The following KCNK9 variants were observed in gnomAD, a reference collection of about 807,000 sequenced individuals.
KCNK9 encodes potassium two pore domain channel subfamily K member 9.
KCNK9 carries 1 observed loss-of-function variant against 10.8 expected under a neutral mutation model. The observed-to-expected ratio is 0.09, with a 90% confidence interval of 0.03 to 0.44. The LOEUF (loss-of-function observed/expected upper bound fraction) is 0.44. Among genes scored for constraint, KCNK9 ranks in the 20% least tolerant of loss-of-function variants. The pLI is 0.97. For synonymous variants in KCNK9, 231 were observed against 222.7 expected, an observed-to-expected ratio of 1.04 and a Z score of -0.33; for missense variants, 303 against 515.0, an observed-to-expected ratio of 0.59 and a Z score of 3.98.
rs115607196 is a variant in KCNK9 at position 139,687,840 on chromosome 8, T to G, written c.283+14870A>C. 7.7e-3 allele frequency among the ~76,000 whole-genome samples: 1,169 copies of G among 151,678 alleles called. 12 individuals carry two copies. Among genetic ancestry groups the G allele is most frequent in the African/African-American group, 0.027 (1,119 of 41,392 alleles). On this transcript the variant is annotated intron_variant, in intron 1 of 1. Transcript: ENST00000520439. The stretch of plus-strand genomic sequence containing the variant: ...CACTTCTCCATGTGATTCAGGTTAT[T>G]TTAAAGAAAATCCCAGACATTTCAT...
At chr8:139,651,590 G>T (rs1815866313) in intron 1 of KCNK9, among the ~76,000 whole-genome samples, 1 of 152,186 alleles carries the variant, frequency 6.6e-6, no homozygotes, top group African/African-American at 2.4e-5. Context: ...AATGGGGTGG[G>T]GTGAGACTGG....
rs34791987 is a variant in KCNK9, at chr8:139,660,447, A to ATATATATAT, written c.284-41349_284-41348insATATATATA. 3.1e-3 allele frequency among the ~76,000 whole-genome samples: 404 copies of ATATATATAT among 128,866 alleles called. 3 individuals are homozygous for ATATATATAT. The highest frequency in any genetic ancestry group is 0.011 in the African/African-American group (319 of 29,388). The allele number at this position is 128,866 out of a possible 152,430, so 84.5% of individuals were successfully genotyped here. ...TCGTGAAACCCGTCTCTGCTAAAAAAAAATATATATATATATATATATATT... is the reference window on the plus strand; with the variant it reads ...TCGTGAAACCCGTCTCTGCTAAAAAATATATATATAAATATATATATATATATATATATT... On this transcript the variant is annotated intron_variant, in intron 1 of 1. Transcript: ENST00000520439.
intron 1 of KCNK9, among the ~76,000 whole-genome samples, chr8:139,648,010 C>G (rs527561680): frequency 1.3e-5 from 2 of 152,296 alleles, no homozygotes; most frequent in East Asian, 3.9e-4. Flanking sequence ...AGCACGCTAG[C>G]TGAAAGGTGG....
intron 1 of KCNK9, among the ~76,000 whole-genome samples, chr8:139,632,612 A>AT (rs1455764869): frequency 6.6e-6 from 1 of 151,846 alleles, no homozygotes; most frequent in Non-Finnish European, 1.5e-5. Context: ...CTGCCGTATG[A>AT]TTTTCTCTCT....
chr8:139,646,488 C>T (rs945107988), intron 1 of KCNK9, among the ~76,000 whole-genome samples: 5 of 152,258 alleles, frequency 3.3e-5, no homozygotes, highest in Admixed American at 3.3e-4. Flanking sequence ...AGCCCCAGGG[C>T]TCTATCTTGG....
At chr8:139,604,657 C>A (rs140434056) in intron 2 of KCNK9, among the ~76,000 whole-genome samples, 10 of 152,310 alleles carry the variant, frequency 6.6e-5, no homozygotes, top group African/African-American at 2.4e-4. Flanking sequence ...GAGAAAGGAA[C>A]ACGGAACACC....
At chr8:139,662,146 G>A (rs368175397) in intron 1 of KCNK9, among the ~76,000 whole-genome samples, 1 of 152,178 alleles carries the variant, frequency 6.6e-6, no homozygotes, top group Non-Finnish European at 1.5e-5. Flanking sequence ...TCCTGTAGCC[G>A]CCCCATTCCC....
chr8:139,701,064 T>C (rs1031021158), intron 1 of KCNK9, among the ~76,000 whole-genome samples: 3 of 152,302 alleles, frequency 2.0e-5, no homozygotes, highest in East Asian at 1.9e-4. Context: ...CAGAGGCATA[T>C]TTCTTACTCT....
At chr8:139,696,153 T>C (rs1563755168) in intron 1 of KCNK9, among the ~76,000 whole-genome samples, 1 of 152,068 alleles carries the variant, frequency 6.6e-6, no homozygotes, top group Non-Finnish European at 1.5e-5. Flanking sequence ...AGAGATAATC[T>C]CAACATTCGT....
intron 1 of KCNK9, among the ~76,000 whole-genome samples, chr8:139,673,361 C>G (rs531173657): frequency 1.3e-5 from 2 of 152,294 alleles, no homozygotes; most frequent in Non-Finnish European, 2.9e-5. Context: ...GCTATGTGAA[C>G]GAAATCTCAA....
At chr8:139,636,915 C>G (rs1815356785) in intron 1 of KCNK9, among the ~76,000 whole-genome samples, 1 of 152,228 alleles carries the variant, frequency 6.6e-6, no homozygotes. Context: ...TCTGGAAGCT[C>G]TGTCCCCAGA....
At chr8:139,666,062 CTTGGGT>C (rs1354428239) in intron 1 of KCNK9, among the ~76,000 whole-genome samples, 3 of 152,234 alleles carry the variant, frequency 2.0e-5, no homozygotes, top group Non-Finnish European at 4.4e-5. Flanking sequence ...AAGGGAAGAA[CTTGGGT>C]CCCATCTGGG....
intron 2 of KCNK9, among the ~76,000 whole-genome samples, chr8:139,603,665 G>A (rs576859843): frequency 6.6e-6 from 1 of 152,194 alleles, no homozygotes; most frequent in Non-Finnish European, 1.5e-5. Context: ...CAGGCAGGAA[G>A]ACGAGGCATC....
intron 1 of KCNK9, among the ~76,000 whole-genome samples, chr8:139,656,870 C>T (rs1055277174): frequency 4.6e-5 from 7 of 152,190 alleles, no homozygotes; most frequent in African/African-American, 1.7e-4. Context: ...CCATCTTCTC[C>T]AACACAAATC....
intron 1 of KCNK9, among the ~76,000 whole-genome samples, chr8:139,621,392 G>A (rs931479865): frequency 2.0e-5 from 3 of 151,832 alleles, no homozygotes; most frequent in South Asian, 2.1e-4. Flanking sequence ...AAAACCACAC[G>A]CCAGAGTCAA....
intron 1 of KCNK9, among the ~76,000 whole-genome samples, chr8:139,661,405 G>A (rs1816147920): frequency 6.6e-6 from 1 of 152,174 alleles, no homozygotes; most frequent in African/African-American, 2.4e-5. Context: ...TGCTGGCCAT[G>A]TCTCAGGGCT....
intron 1 of KCNK9, among the ~76,000 whole-genome samples, chr8:139,622,519 G>A (rs867971889): frequency 5.9e-5 from 9 of 152,126 alleles, no homozygotes; most frequent in African/African-American, 1.2e-4. Context: ...ATCTGTCAGC[G>A]GGCTTACAGC....
At chr8:139,621,916 T>C (rs1038943379) in intron 1 of KCNK9, among the ~76,000 whole-genome samples, 30 of 152,240 alleles carry the variant, frequency 2.0e-4, no homozygotes, top group African/African-American at 7.0e-4. Flanking sequence ...ATATATTTAC[T>C]GGAAGAAATC....
intron 1 of KCNK9, among the ~76,000 whole-genome samples, chr8:139,635,163 A>T (rs1419003101): frequency 6.6e-6 from 1 of 152,234 alleles, no homozygotes; most frequent in Non-Finnish European, 1.5e-5. Context: ...CCACATCAAA[A>T]ATTGTTTAAA....
Sources: gnomAD v4.1 joint callset for allele counts (sites outside exome capture counted in the v4.1 genomes callset) on GRCh38, gnomAD v4.1.1 for gene constraint, MANE v1.5 for transcripts, NCBI Gene and HGNC (gene_info 2026-07-23, HGNC 2026-07-21) for gene names.